The following XNDC1N variants were observed in gnomAD, a reference collection of about 807,000 sequenced individuals.
The protein encoded by XNDC1N is protein XNDC1N.
At chr11:71,896,172 G>T in the XNDC1N span, among the ~76,000 whole-genome samples, 2 of 151,824 alleles carry the variant, frequency 1.3e-5, no homozygotes, top group Non-Finnish European at 2.9e-5. Context: ...TCAGCTACTC[G>T]GAGGGCTGAG....
At chr11:71,917,164 C>T in the XNDC1N span, 7 of 434,998 alleles carry the variant, frequency 1.6e-5, no homozygotes, top group Non-Finnish European at 2.5e-5. Flanking sequence ...AAGGCACTCA[C>T]CACCATGCCC....
At chr11:71,897,424 G>A in the XNDC1N span, among the ~76,000 whole-genome samples, 3 of 152,194 alleles carry the variant, frequency 2.0e-5, no homozygotes, top group East Asian at 1.9e-4. Flanking sequence ...CAGAAGACGC[G>A]AGTAGACGTG....
the XNDC1N span, among the ~76,000 whole-genome samples, chr11:71,885,098 A>T: frequency 6.6e-6 from 1 of 152,100 alleles, no homozygotes; most frequent in Non-Finnish European, 1.5e-5. Context: ...ACCGGTGTAC[A>T]CCCTGGGTAT....
the XNDC1N span, among the ~76,000 whole-genome samples, chr11:71,881,240 A>T: frequency 6.6e-6 from 1 of 152,132 alleles, no homozygotes; most frequent in African/African-American, 2.4e-5. Context: ...CTCTTGCTGG[A>T]TTGGCCCTTT....
chr11:71,885,890 AC>A, the XNDC1N span, among the ~76,000 whole-genome samples: 4,257 of 151,998 alleles, frequency 0.028, 71 homozygotes, highest in East Asian at 0.08. Context: ...ATGTATTGTT[AC>A]CATTAGTATA....
chr11:71,895,278 T>C, the XNDC1N span, among the ~76,000 whole-genome samples: 1 of 152,106 alleles, frequency 6.6e-6, no homozygotes, highest in African/African-American at 2.4e-5. Flanking sequence ...ATTTATTATG[T>C]TGTTTTTTCT....
At chr11:71,868,689 C>T in the XNDC1N span, among the ~76,000 whole-genome samples, 1 of 152,144 alleles carries the variant, frequency 6.6e-6, no homozygotes, top group Non-Finnish European at 1.5e-5. Flanking sequence ...TTACCTGCTC[C>T]TTTTCTCTAG....
chr11:71,890,318 C>T, the XNDC1N span, among the ~76,000 whole-genome samples: 1 of 152,106 alleles, frequency 6.6e-6, no homozygotes, highest in Admixed American at 6.5e-5. Flanking sequence ...GTACGCCTGT[C>T]GCGAAATTCA....
chr11:71,878,532 T>C, the XNDC1N span: 3 of 1,604,326 alleles, frequency 1.9e-6, no homozygotes, highest in South Asian at 3.3e-5. Context: ...ACTTTTTTAT[T>C]CCAAAGTTCT....
At chr11:71,908,084 A>G in the XNDC1N span, among the ~76,000 whole-genome samples, 1 of 152,204 alleles carries the variant, frequency 6.6e-6, no homozygotes, top group Non-Finnish European at 1.5e-5. Context: ...CTCCCTGGAC[A>G]TTACGAGCAA....
the XNDC1N span, among the ~76,000 whole-genome samples, chr11:71,870,050 G>T: frequency 6.6e-6 from 1 of 152,304 alleles, no homozygotes; most frequent in East Asian, 1.9e-4. Flanking sequence ...GTCTTACGTG[G>T]TGTCAAGCAA....
the XNDC1N span, among the ~76,000 whole-genome samples, chr11:71,889,127 G>A: frequency 1.4e-4 from 22 of 152,170 alleles, no homozygotes; most frequent in East Asian, 3.8e-4. Context: ...GCTTTCATTC[G>A]GGCCTTAGAA....
chr11:71,891,222 C>T, the XNDC1N span, among the ~76,000 whole-genome samples: 32 of 152,024 alleles, frequency 2.1e-4, no homozygotes, highest in African/African-American at 6.5e-4. Context: ...ACCCCCCCTG[C>T]GATATTGGGA....
the XNDC1N span, among the ~76,000 whole-genome samples, chr11:71,883,281 G>A: frequency 6.6e-6 from 1 of 152,066 alleles, no homozygotes; most frequent in Non-Finnish European, 1.5e-5. Flanking sequence ...ACCCAGAATA[G>A]TCAAAACAAT....
chr11:71,900,698 A>G, the XNDC1N span, among the ~76,000 whole-genome samples: 2 of 152,220 alleles, frequency 1.3e-5, no homozygotes, highest in Non-Finnish European at 2.9e-5. Flanking sequence ...GACAGACACC[A>G]TGGCATCATG....
At chr11:71,894,144 T>C in the XNDC1N span, 1 of 552,226 alleles carries the variant, frequency 1.8e-6, no homozygotes, top group East Asian at 7.1e-5. Flanking sequence ...TCCCCTCCAT[T>C]CTTAGGATTT....
chr11:71,906,017 G>C, the XNDC1N span, among the ~76,000 whole-genome samples: 1 of 151,802 alleles, frequency 6.6e-6, no homozygotes, highest in Non-Finnish European at 1.5e-5. Context: ...GTAACATTAG[G>C]GGTAACATCC....
chr11:71,923,344 C>A, the XNDC1N span: 1 of 702,948 alleles, frequency 1.4e-6, no homozygotes, highest in Non-Finnish European at 2.6e-6. Context: ...CTGATCTTCA[C>A]AGGAGCCATG....
chr11:71,887,203 C>T, the XNDC1N span, among the ~76,000 whole-genome samples: 3 of 152,150 alleles, frequency 2.0e-5, no homozygotes, highest in Non-Finnish European at 1.5e-5. Flanking sequence ...CCCGGTCGCC[C>T]GGTTATCCAA....
Sources: gnomAD v4.1 joint callset for allele counts (sites outside exome capture counted in the v4.1 genomes callset) on GRCh38, gnomAD v4.1.1 for gene constraint, MANE v1.5 for transcripts, NCBI Gene and HGNC (gene_info 2026-07-23, HGNC 2026-07-21) for gene names.